MAPKAP1: variants seen among roughly 807,000 people sequenced by gnomAD.
MAPKAP1 encodes MAPK associated protein 1.
A neutral mutation model predicts 65.7 loss-of-function variants in MAPKAP1; 20 were observed. That is an observed-to-expected ratio of 0.30 (90% CI 0.21 to 0.44). The LOEUF (loss-of-function observed/expected upper bound fraction) is 0.44, where lower values mean the gene tolerates loss of function less well. Ranked by LOEUF, MAPKAP1 falls within the 20% of genes least tolerant of loss-of-function variation. The pLI, the probability that MAPKAP1 is intolerant of heterozygous loss-of-function variation, is 1.00. For missense variants in MAPKAP1, 423 were observed against 648.0 expected (o/e 0.65, Z 3.77); for synonymous variants, 222 against 244.3 (o/e 0.91, Z 0.85).
At chr9:125,658,071 C>T (rs1834082965) in intron 3 of MAPKAP1, among the ~76,000 whole-genome samples, 1 of 152,178 alleles carries the variant, frequency 6.6e-6, no homozygotes, top group Non-Finnish European at 1.5e-5. Context: ...ATAGGAAGAG[C>T]ACTCACAGCC....
chr9:125,647,515 C>G (rs1235199343), intron 4 of MAPKAP1, among the ~76,000 whole-genome samples: 17 of 152,190 alleles, frequency 1.1e-4, no homozygotes, highest in Admixed American at 1.1e-3. Context: ...ATCTACTATT[C>G]ATCTATAGTG....
At chr9:125,464,815 A>T (rs1054325447) in intron 10 of MAPKAP1, among the ~76,000 whole-genome samples, 1 of 152,222 alleles carries the variant, frequency 6.6e-6, no homozygotes, top group African/African-American at 2.4e-5. Context: ...CAAGTCAGCT[A>T]TTCACACACT....
At chr9:125,517,360 C>T (rs981043304) in intron 7 of MAPKAP1, among the ~76,000 whole-genome samples, 7 of 152,058 alleles carry the variant, frequency 4.6e-5, no homozygotes, top group African/African-American at 7.2e-5. Context: ...ACATGAACAC[C>T]AGCTGCTTGC....
chr9:125,697,084 G>C (rs999925732), intron 1 of MAPKAP1, among the ~76,000 whole-genome samples: 1 of 152,156 alleles, frequency 6.6e-6, no homozygotes, highest in Non-Finnish European at 1.5e-5. Context: ...CCACCAATAC[G>C]AATACAACTC....
intron 8 of MAPKAP1, among the ~76,000 whole-genome samples, chr9:125,504,792 C>CA (rs984937708): frequency 2.0e-5 from 3 of 151,848 alleles, no homozygotes; most frequent in Non-Finnish European, 4.4e-5. Flanking sequence ...GACTCTGTCT[C>CA]AAAAAAACCC....
chr9:125,498,846 T>C (rs1433940738), intron 8 of MAPKAP1, among the ~76,000 whole-genome samples: 1 of 152,220 alleles, frequency 6.6e-6, no homozygotes, highest in Non-Finnish European at 1.5e-5. Context: ...CTTTCCATTC[T>C]GGGTCACCCC....
intron 8 of MAPKAP1, among the ~76,000 whole-genome samples, chr9:125,505,115 A>G (rs1302373905): frequency 6.6e-6 from 1 of 152,158 alleles, no homozygotes; most frequent in Non-Finnish European, 1.5e-5. Flanking sequence ...TGGGAAGCCA[A>G]GGTAGAAGGA....
chr9:125,691,064 A>C (rs1035730610), intron 1 of MAPKAP1, among the ~76,000 whole-genome samples: 8 of 152,306 alleles, frequency 5.3e-5, no homozygotes, highest in African/African-American at 1.9e-4. Flanking sequence ...GAATGAGACC[A>C]TCCTGGCTAA....
At chr9:125,542,923 C>T in intron 7 of MAPKAP1, 136 bp downstream of exon 7, 1 of 783,852 alleles carries the variant, frequency 1.3e-6, no homozygotes, top group Non-Finnish European at 2.3e-6. Flanking sequence ...CCTTTTCTTG[C>T]ATAGATCAGC....
At chr9:125,659,899 G>A (rs1165474275) in intron 3 of MAPKAP1, among the ~76,000 whole-genome samples, 3 of 151,998 alleles carry the variant, frequency 2.0e-5, no homozygotes, top group Non-Finnish European at 2.9e-5. Context: ...AGCTTTTATC[G>A]AGGTCACCAA....
intron 8 of MAPKAP1, among the ~76,000 whole-genome samples, chr9:125,492,553 CACTT>C (rs1854773899): frequency 6.6e-6 from 1 of 152,156 alleles, no homozygotes; most frequent in Admixed American, 6.6e-5. Context: ...CTGAGGGAGA[CACTT>C]AGAGTTATAT....
chr9:125,611,408 TAAGA>T lies in MAPKAP1; in HGVS notation c.499-25685_499-25682del, dbSNP rs143341854. On this transcript the variant is annotated intron_variant, in intron 4 of 11. Coordinates refer to ENST00000265960, the MANE Select transcript of MAPKAP1 (RefSeq NM_001006617.3). ...CCCAAAGAGACACAGAGATAGGAAA[TAAGA>T]AAGAGAAATTAAGAGATGAGAAGGA... 3.5e-3 allele frequency among the ~76,000 whole-genome samples: 526 copies of T among 152,090 alleles called. 3 individuals carry two copies. Among genetic ancestry groups the T allele is most frequent in the African/African-American group, 0.012 (493 of 41,482 alleles).
chr9:125,468,486 T>C (rs1323428502), intron 9 of MAPKAP1, among the ~76,000 whole-genome samples: 2 of 152,270 alleles, frequency 1.3e-5, no homozygotes, highest in South Asian at 4.1e-4. Context: ...ACAGTTTTGA[T>C]TGGTGCTCTG....
chr9:125,663,739 G>A (rs1005472882), intron 3 of MAPKAP1, among the ~76,000 whole-genome samples: 4 of 152,114 alleles, frequency 2.6e-5, no homozygotes, highest in Non-Finnish European at 5.9e-5. Context: ...AGACAAGATG[G>A]GGGAAGTCAT....
intron 5 of MAPKAP1, among the ~76,000 whole-genome samples, chr9:125,583,547 TG>T (rs1831686309): frequency 6.6e-6 from 1 of 152,200 alleles, no homozygotes; most frequent in African/African-American, 2.4e-5. Flanking sequence ...GAGAGGATAA[TG>T]TAATAGTGAA....
At chr9:125,509,378 T>C (rs1445607172) in intron 7 of MAPKAP1, among the ~76,000 whole-genome samples, 1 of 152,262 alleles carries the variant, frequency 6.6e-6, no homozygotes, top group African/African-American at 2.4e-5. Flanking sequence ...AATTAATAAT[T>C]GTTTTTATTT....
intron 10 of MAPKAP1, among the ~76,000 whole-genome samples, chr9:125,454,384 T>C (rs1256001858): frequency 6.6e-6 from 1 of 152,238 alleles, no homozygotes; most frequent in East Asian, 1.9e-4. Flanking sequence ...AAGTACTCTA[T>C]GGGAGGCTAA....
chr9:125,541,463 A>G (rs1452210871), intron 7 of MAPKAP1, among the ~76,000 whole-genome samples: 1 of 152,208 alleles, frequency 6.6e-6, no homozygotes, highest in Non-Finnish European at 1.5e-5. Flanking sequence ...TATCACAAAT[A>G]TACTTTTATA....
At chr9:125,440,719 G>A (rs1852447820) in intron 11 of MAPKAP1, among the ~76,000 whole-genome samples, 1 of 152,216 alleles carries the variant, frequency 6.6e-6, no homozygotes, top group African/African-American at 2.4e-5. Context: ...GGCCTGACAC[G>A]CTCTGCCCGC....
Sources: allele counts gnomAD v4.1 joint callset (sites outside exome capture counted in the v4.1 genomes callset), GRCh38; gene constraint gnomAD v4.1.1; transcripts MANE v1.5; gene names NCBI Gene and HGNC (gene_info 2026-07-23, HGNC 2026-07-21).